Variants in CTNNA2 observed in about 807,000 individuals in gnomAD.
The protein encoded by CTNNA2 is catenin alpha-2.
Under a neutral mutation model 101.0 loss-of-function variants are expected in CTNNA2, and 42 were observed. The observed-to-expected ratio is 0.42, with a 90% CI of 0.32 to 0.54. CTNNA2 has a LOEUF of 0.54. Among genes scored for constraint, CTNNA2 ranks in the 20% least tolerant of loss-of-function variants. The pLI is 0.14. For synonymous variants in CTNNA2, 450 were observed against 456.4 expected, an observed-to-expected ratio of 0.99 and a Z score of 0.18; for missense variants, 871 against 1,223.1, an observed-to-expected ratio of 0.71 and a Z score of 4.29.
At chr2:79,412,131 A>G (rs1678420283) in intron 4 of CTNNA2, among the ~76,000 whole-genome samples, 1 of 152,132 alleles carries the variant, frequency 6.6e-6, no homozygotes, top group African/African-American at 2.4e-5. Flanking sequence ...ACCAACAAAG[A>G]TCAAAAGAGA....
At chr2:80,543,853 A>C (rs867470802) in intron 9 of CTNNA2, among the ~76,000 whole-genome samples, 1 of 152,200 alleles carries the variant, frequency 6.6e-6, no homozygotes, top group Non-Finnish European at 1.5e-5. Context: ...GCAGGCGGCC[A>C]CAAGACTCCA....
intron 2 of CTNNA2, among the ~76,000 whole-genome samples, chr2:79,239,666 A>G (rs1674598080): frequency 6.6e-6 from 1 of 152,224 alleles, no homozygotes; most frequent in Admixed American, 6.5e-5. Context: ...AATTGCCAAA[A>G]GCAATTGCAA....
intron 1 of CTNNA2, among the ~76,000 whole-genome samples, chr2:79,578,238 A>G (rs1216945167): frequency 6.6e-6 from 1 of 152,092 alleles, no homozygotes; most frequent in Non-Finnish European, 1.5e-5. Flanking sequence ...ATTAGTTAAT[A>G]GGTCTTTTTT....
intron 7 of CTNNA2, among the ~76,000 whole-genome samples, chr2:80,095,857 T>C (rs1700111789): frequency 6.6e-6 from 1 of 152,108 alleles, no homozygotes; most frequent in African/African-American, 2.4e-5. Flanking sequence ...ATATCCCCTT[T>C]ATCATTTTTT....
intron 7 of CTNNA2, among the ~76,000 whole-genome samples, chr2:80,246,995 C>T (rs1030045865): frequency 7.2e-5 from 11 of 152,134 alleles, no homozygotes; most frequent in Admixed American, 5.2e-4. Flanking sequence ...CTGAATACTT[C>T]GGATCTTTGG....
rs537417958 is a variant in CTNNA2 at position 79,684,315 on chromosome 2, A to G, written c.102+32657A>G. ...ATCTTCTGCCCTGTTCTTTTCTTGT[A>G]TAATTTATTCTACATAGCTATTAAA... is the stretch of plus-strand genomic sequence containing the variant. On this transcript the variant is annotated intron_variant, in intron 2 of 18. Transcript: ENST00000402739. Among the ~76,000 whole-genome samples the G allele has an allele frequency of 2.6e-5, 4 of 152,324 alleles. No homozygotes were observed. The South Asian group carries it at 8.3e-4, about 32-fold the overall frequency.
chr2:79,214,273 G>A lies in CTNNA2; in HGVS notation c.-406+16197G>A, dbSNP rs570406919. Among the ~76,000 whole-genome samples the A allele has an allele frequency of 1.4e-4, 21 of 152,296 alleles. No homozygotes were observed. The South Asian group carries it at 4.1e-3, about 30-fold the overall frequency. ...GATGGGTGTCAGGGTCAGTCCAAGT[G>A]AAAGCGAAGAGAGGCTGGGATGAAG... On this transcript the variant is annotated intron_variant, in intron 2 of 21. Transcript: ENST00000466387.
chr2:79,921,519 G>A (rs956009991), intron 7 of CTNNA2, among the ~76,000 whole-genome samples: 2 of 152,108 alleles, frequency 1.3e-5, no homozygotes, highest in Non-Finnish European at 2.9e-5. Flanking sequence ...TTGAAGGGTA[G>A]TTGTTTTTCA....
At chr2:80,404,844 A>T (rs1010160207) in intron 8 of CTNNA2, among the ~76,000 whole-genome samples, 2 of 152,206 alleles carry the variant, frequency 1.3e-5, no homozygotes, top group Non-Finnish European at 2.9e-5. Flanking sequence ...TTGAGTTAAG[A>T]TCAGTGATTT....
At chr2:80,402,910 A>G (rs1345320785) in intron 8 of CTNNA2, among the ~76,000 whole-genome samples, 1 of 151,624 alleles carries the variant, frequency 6.6e-6, no homozygotes, top group Non-Finnish European at 1.5e-5. Flanking sequence ...TTCTTATTGT[A>G]GGGCTTGGAA....
chr2:79,650,056 A>T (rs1370789400), intron 1 of CTNNA2, among the ~76,000 whole-genome samples: 1 of 151,994 alleles, frequency 6.6e-6, no homozygotes, highest in Non-Finnish European at 1.5e-5. Context: ...TATTAAGGCA[A>T]ATCATTCAGA....
At chr2:80,098,143 AC>A (rs1418097809) in intron 7 of CTNNA2, among the ~76,000 whole-genome samples, 1 of 151,304 alleles carries the variant, frequency 6.6e-6, no homozygotes. Flanking sequence ...GGTTTTATCT[AC>A]CTTTGGTCTT....
intron 3 of CTNNA2, among the ~76,000 whole-genome samples, chr2:79,750,011 G>T (rs2105022138): frequency 6.6e-6 from 1 of 152,278 alleles, no homozygotes; most frequent in East Asian, 1.9e-4. Context: ...GAGTAGCTCG[G>T]TATGGCTTAC....
At chr2:79,434,463 G>A (rs1447968672) in intron 4 of CTNNA2, among the ~76,000 whole-genome samples, 1 of 152,170 alleles carries the variant, frequency 6.6e-6, no homozygotes, top group Non-Finnish European at 1.5e-5. Context: ...TCTAGCTGGA[G>A]TTCAAAGGAT....
chr2:79,654,068 C>T (rs1681442254), intron 2 of CTNNA2, among the ~76,000 whole-genome samples: 1 of 152,190 alleles, frequency 6.6e-6, no homozygotes, highest in Non-Finnish European at 1.5e-5. Context: ...CCATGCTCCT[C>T]ACTTCCTTCT....
At chr2:79,950,640 C>T (rs1340585798) in intron 7 of CTNNA2, among the ~76,000 whole-genome samples, 2 of 152,154 alleles carry the variant, frequency 1.3e-5, no homozygotes, top group African/African-American at 4.8e-5. Context: ...TATAGGCCAG[C>T]AGATTGCCTT....
chr2:79,811,544 A>G (rs1677039652), intron 3 of CTNNA2, among the ~76,000 whole-genome samples: 1 of 152,122 alleles, frequency 6.6e-6, no homozygotes. Flanking sequence ...TCATACATGT[A>G]AGGATCTATT....
intron 12 of CTNNA2, among the ~76,000 whole-genome samples, chr2:80,558,168 G>A (rs917968773): frequency 6.6e-6 from 1 of 152,182 alleles, no homozygotes; most frequent in African/African-American, 2.4e-5. Flanking sequence ...TCAAGGAAAA[G>A]TGGGTGTCAG....
intron 7 of CTNNA2, among the ~76,000 whole-genome samples, chr2:80,132,452 A>G (rs1222145396): frequency 1.3e-5 from 2 of 152,198 alleles, no homozygotes; most frequent in Non-Finnish European, 2.9e-5. Flanking sequence ...TCTCCATAAA[A>G]TCCGAGTACG....
Sources: gnomAD v4.1 joint callset for allele counts (sites outside exome capture counted in the v4.1 genomes callset) on GRCh38, gnomAD v4.1.1 for gene constraint, MANE v1.5 for transcripts, NCBI Gene and HGNC (gene_info 2026-07-23, HGNC 2026-07-21) for gene names.